The following MAP3K5 variants were observed in gnomAD, a reference collection of about 807,000 sequenced individuals.
The protein encoded by MAP3K5 is ASK-1.
A neutral mutation model predicts 158.7 loss-of-function variants in MAP3K5; 56 were observed. The ratio of observed to expected loss-of-function variants is 0.35; its 90% CI spans 0.28 to 0.44. MAP3K5 has a LOEUF of 0.44. Ranked by LOEUF, MAP3K5 falls within the 20% of genes least tolerant of loss-of-function variation. MAP3K5 has a pLI of 1.00. For synonymous variants in MAP3K5, 579 were observed against 601.7 expected, an observed-to-expected ratio of 0.96 and a Z score of 0.55; for missense variants, 1,294 against 1,674.8, an observed-to-expected ratio of 0.77 and a Z score of 3.97.
Position 136,592,229 on chromosome 6 carries a change from T to C in MAP3K5, c.3169A>G (p.Ile1057Val), listed in dbSNP as rs1255998018. Residue 1057 changes from isoleucine to valine, a missense_variant, in exon 23 of 30, where the codon ATC becomes GTC. Physicochemically the swap from Ile to Val is conservative, Grantham distance 29. Transcript: ENST00000359015. ...ATTTTGTCTTGGTCTTCCGTCAGGA[T>C]CCTGTGAAGGGTAGCTCGCCTCTCA... is the stretch of plus-strand genomic sequence containing the variant. Reference protein sequence around the residue: ...DSERRATLHRILTEDQDKIVR... With the variant: ...DSERRATLHRVLTEDQDKIVR... 1 of 1,609,832 alleles carries C rather than the reference T, an allele frequency of 6.2e-7. No individual in the cohort carries two copies. The highest frequency in any genetic ancestry group is 1.7e-5 in the Admixed American group (1 of 58,950).
chr6:136,784,948 C>T (rs1175639195), intron 1 of MAP3K5, among the ~76,000 whole-genome samples: 2 of 152,108 alleles, frequency 1.3e-5, no homozygotes, highest in Non-Finnish European at 2.9e-5. Flanking sequence ...TTATAATACT[C>T]TTACTTGGAA....
At chr6:136,694,076 G>T in intron 7 of MAP3K5, 64 bp downstream of exon 7, 1 of 1,292,344 alleles carries the variant, frequency 7.7e-7, no homozygotes, top group Non-Finnish European at 1.1e-6. Flanking sequence ...ACTCTCATTT[G>T]CAAATACTTT....
chr6:136,581,733 GT>G lies in MAP3K5; in HGVS notation c.3412-1328del, dbSNP rs199706280. On this transcript the variant is annotated intron_variant, in intron 24 of 29. Transcript: ENST00000359015. ...ATGAACCCTTGCTAGGTTCCCACTT[GT>G]TCTAGAAAATCCATCCAGGCTGAGT... Among the ~76,000 whole-genome samples, 547 of 152,272 alleles carry G rather than the reference GT, an allele frequency of 3.6e-3. 3 individuals carry two copies. Among genetic ancestry groups the G allele is most frequent in the African/African-American group, 0.012 (502 of 41,552 alleles).
In MAP3K5 at chr6:136,558,796, G is replaced by A. The variant is rs746319285; in HGVS notation, c.4064+4C>T. ...CATAGTGACAACAGAAAGAAAAGTG[G>A]TACCTTAGTCTCAAGCATTTTAAGT... On this transcript the variant is annotated splice_donor_region_variant and intron_variant, in intron 29 of 29. Coordinates refer to ENST00000359015, the MANE Select transcript of MAP3K5 (RefSeq NM_005923.4). 1.3e-6 allele frequency: 2 copies of A among 1,566,476 alleles called. No homozygotes were observed. The highest frequency in any genetic ancestry group is 1.8e-6 in the Non-Finnish European group (2 of 1,138,116).
rs200492399 is a variant in MAP3K5 at position 136,658,293 on chromosome 6, TTTTC to T, written c.1526+922_1526+925del. 2.6e-3 allele frequency among the ~76,000 whole-genome samples: 347 copies of T among 132,998 alleles called. 6 individuals carry two copies. The highest frequency in any genetic ancestry group is 0.012 in the Middle Eastern group (3 of 250). The allele number at this position is 132,998 out of a possible 152,430, so 87.3% of individuals were successfully genotyped here. On this transcript the variant is annotated intron_variant, in intron 9 of 29. Coordinates refer to ENST00000359015, the MANE Select transcript of MAP3K5 (RefSeq NM_005923.4). Reference sequence around the variant, plus strand: ...CTAATAAAAATTCTTTTTCTTTTTCTTTTCTTTCTTTCTTTCTTTCTTTTTTTTT... The same window carrying T: ...CTAATAAAAATTCTTTTTCTTTTTCTTTTCTTTCTTTCTTTCTTTTTTTTT...
intron 18 of MAP3K5, 63 bp from the exon 19 acceptor site, chr6:136,605,429 G>A (rs1776060813): frequency 1.4e-6 from 2 of 1,381,124 alleles, no homozygotes; most frequent in Middle Eastern, 1.9e-4. Context: ...TCTAATGACA[G>A]TTTTTCAACA....
chr6:136,654,185 G>A (rs113779360), intron 10 of MAP3K5, among the ~76,000 whole-genome samples: 4 of 152,156 alleles, frequency 2.6e-5, no homozygotes, highest in African/African-American at 9.7e-5. Flanking sequence ...TAAAGTTGAG[G>A]TCCTCAGGAT....
rs1779586442 is a variant in MAP3K5 at position 136,673,780 on chromosome 6, A to G, written c.1254-4385T>C. ...TAAGAAACAGAGGAGACACAGTTAA[A>G]TGGTCTAACCTATGTATTACTGTAG... On this transcript the variant is annotated intron_variant, in intron 7 of 29. Coordinates refer to ENST00000359015, the MANE Select transcript of MAP3K5 (RefSeq NM_005923.4). 2.0e-5 allele frequency among the ~76,000 whole-genome samples: 3 copies of G among 151,930 alleles called. No individual in the cohort carries two copies. The South Asian group carries it at 6.2e-4, about 31-fold the overall frequency.
intron 23 of MAP3K5, among the ~76,000 whole-genome samples, chr6:136,589,919 T>G (rs1025481571): frequency 2.6e-5 from 4 of 152,118 alleles, no homozygotes; most frequent in Non-Finnish European, 5.9e-5. Flanking sequence ...CTTGCCCTGG[T>G]TTGGATGTGA....
At chr6:136,574,667 GA>G (rs1474900941) in intron 25 of MAP3K5, among the ~76,000 whole-genome samples, 3 of 145,362 alleles carry the variant, frequency 2.1e-5, no homozygotes, top group African/African-American at 7.6e-5. Flanking sequence ...GCTCCTTTTG[GA>G]AAAAAGATTA....
chr6:136,624,970 G>A (rs1776967861), intron 14 of MAP3K5, among the ~76,000 whole-genome samples: 1 of 152,148 alleles, frequency 6.6e-6, no homozygotes, highest in Non-Finnish European at 1.5e-5. Flanking sequence ...AAATAAAACA[G>A]ACATACTTTT....
chr6:136,601,193 A>C, intron 20 of MAP3K5, 151 bp from the exon 21 acceptor site: 6 of 638,388 alleles, frequency 9.4e-6, no homozygotes, highest in Admixed American at 3.1e-5. Context: ...AACATCAAAA[A>C]ACGCCAAGAA....
intron 3 of MAP3K5, among the ~76,000 whole-genome samples, chr6:136,702,568 A>G (rs1221205213): frequency 6.6e-6 from 1 of 152,240 alleles, no homozygotes; most frequent in East Asian, 1.9e-4. Context: ...TACTCATTCT[A>G]AAATATTTAA....
intron 5 of MAP3K5, 89 bp downstream of exon 5, chr6:136,697,130 C>T: frequency 8.5e-7 from 1 of 1,177,490 alleles, no homozygotes. Flanking sequence ...ACATGAACTG[C>T]TTACCAGCAA....
chr6:136,589,098 C>T (rs1287064173), intron 23 of MAP3K5, among the ~76,000 whole-genome samples: 1 of 152,176 alleles, frequency 6.6e-6, no homozygotes, highest in Non-Finnish European at 1.5e-5. Flanking sequence ...GTGAGTTTCT[C>T]AAGGCAGAGA....
chr6:136,597,352 C>T (rs1379826932), intron 21 of MAP3K5, among the ~76,000 whole-genome samples: 2 of 152,154 alleles, frequency 1.3e-5, no homozygotes, highest in South Asian at 2.1e-4. Context: ...TTTGGGAAAA[C>T]GGGGATTTTC....
chr6:136,784,393 T>C (rs1012290997), intron 1 of MAP3K5, among the ~76,000 whole-genome samples: 1 of 152,212 alleles, frequency 6.6e-6, no homozygotes, highest in African/African-American at 2.4e-5. Context: ...TTTGCCTTAA[T>C]TGACCCATTA....
At chr6:136,659,030 C>A (rs992174722) in intron 9 of MAP3K5, among the ~76,000 whole-genome samples, 189 bp downstream of exon 9, 1 of 152,218 alleles carries the variant, frequency 6.6e-6, no homozygotes, top group Non-Finnish European at 1.5e-5. Flanking sequence ...AACCTGCTGA[C>A]ATCACCTATG....
intron 1 of MAP3K5, among the ~76,000 whole-genome samples, chr6:136,756,312 G>A (rs1280638528): frequency 6.6e-6 from 1 of 152,078 alleles, no homozygotes; most frequent in Non-Finnish European, 1.5e-5. Context: ...AGCCAGACCT[G>A]TCTCAAAAAA....
Sources: allele counts gnomAD v4.1 joint callset (sites outside exome capture counted in the v4.1 genomes callset), GRCh38; gene constraint gnomAD v4.1.1; transcripts MANE v1.5; gene names NCBI Gene and HGNC (gene_info 2026-07-23, HGNC 2026-07-21).